ARHGAP35: variants seen among roughly 807,000 people sequenced by gnomAD.
ARHGAP35 encodes Rho GTPase activating protein 35.
ARHGAP35 carries 15 observed loss-of-function variants against 111.1 expected under a neutral mutation model. The ratio of observed to expected loss-of-function variants is 0.13; its 90% confidence interval spans 0.09 to 0.21. The LOEUF (loss-of-function observed/expected upper bound fraction) is 0.21, where lower values mean the gene tolerates loss of function less well. Among genes scored for constraint, ARHGAP35 ranks in the 10% least tolerant of loss-of-function variants. The pLI, the probability that ARHGAP35 is intolerant of heterozygous loss-of-function variation, is 1.00. For missense variants in ARHGAP35, 1,262 were observed against 1,873.0 expected, an observed-to-expected ratio of 0.67 and a Z score of 6.02; for synonymous variants, 643 against 710.3, an observed-to-expected ratio of 0.91 and a Z score of 1.51.
chr19:46,948,580 A>G (rs2056394025), intron 3 of ARHGAP35: 2 of 152,210 alleles, frequency 1.3e-5, no homozygotes, highest in Admixed American at 1.3e-4. Context: ...AATACTTCTC[A>G]TTCATTAAAG....
intron 3 of ARHGAP35, among the ~76,000 whole-genome samples, chr19:46,955,111 A>T (rs2056432101): frequency 6.6e-6 from 1 of 152,180 alleles, no homozygotes; most frequent in Admixed American, 6.5e-5. Context: ...TTGTCGTTTC[A>T]ATATCACTAA....
chr19:46,962,966 CT>C (rs2056493411), intron 3 of ARHGAP35, among the ~76,000 whole-genome samples: 2 of 152,166 alleles, frequency 1.3e-5, no homozygotes, highest in South Asian at 4.1e-4. Flanking sequence ...TCCCGTTTTG[CT>C]GCTGCTTCCT....
At chr19:46,878,065 A>G (rs542195877) in intron 1 of ARHGAP35, among the ~76,000 whole-genome samples, 1 of 151,962 alleles carries the variant, frequency 6.6e-6, no homozygotes, top group African/African-American at 2.4e-5. Context: ...TTTGTTGCCC[A>G]GGCTAGAGAG....
intron 3 of ARHGAP35, among the ~76,000 whole-genome samples, chr19:46,970,538 A>C (rs1292371961): frequency 6.6e-6 from 1 of 152,126 alleles, no homozygotes; most frequent in Non-Finnish European, 1.5e-5. Context: ...CCAGGTGTAC[A>C]CTTGCCCTGT....
chr19:46,980,440 T>G (rs2056615093), intron 3 of ARHGAP35, among the ~76,000 whole-genome samples: 2 of 152,148 alleles, frequency 1.3e-5, no homozygotes, highest in Admixed American at 1.3e-4. Context: ...AATGATGTCA[T>G]TACCCCATTT....
At position 47,004,967 on chromosome 19, in the gene ARHGAP35, CAT is replaced by C. The variant is rs1206136978; in HGVS notation, c.*4280_*4281del. Reference sequence around the variant, plus strand: ...TTTGTTTGGTTTTGTTTTTTAAAATCATGTATTTGCTACAAAGTATTGTACTT... The same window carrying C: ...TTTGTTTGGTTTTGTTTTTTAAAATCGTATTTGCTACAAAGTATTGTACTT... On this transcript the variant is annotated 3_prime_UTR_variant, in exon 7 of 7. Coordinates refer to ENST00000672722, the MANE Select transcript of ARHGAP35 (RefSeq NM_004491.5). The C allele has an allele frequency of 6.6e-6, 1 of 152,114 alleles. No individual in the cohort carries two copies. The highest frequency in any genetic ancestry group is 2.4e-5 in the African/African-American group (1 of 41,398). The allele number at this position is 152,114 out of a possible 1,614,324, so 9.4% of individuals were successfully genotyped here.
At chr19:46,910,539 ACTTTGGCCTCC>A (rs1568465037) in intron 1 of ARHGAP35, among the ~76,000 whole-genome samples, 2 of 150,232 alleles carry the variant, frequency 1.3e-5, no homozygotes, top group African/African-American at 4.9e-5. Flanking sequence ...TGATCTGCCC[ACTTTGGCCTCC>A]CAAAGTGCTG....
intron 1 of ARHGAP35, among the ~76,000 whole-genome samples, chr19:46,888,103 C>T (rs1339207743): frequency 1.3e-5 from 2 of 150,344 alleles, no homozygotes; most frequent in East Asian, 2.0e-4. Context: ...AGGCGCCCGC[C>T]ACCACGCCTG....
intron 1 of ARHGAP35, among the ~76,000 whole-genome samples, chr19:46,916,550 G>A (rs1185065533): frequency 6.6e-6 from 1 of 152,134 alleles, no homozygotes; most frequent in Non-Finnish European, 1.5e-5. Flanking sequence ...CAAGCACTGT[G>A]TCATAGGCTG....
chr19:46,970,959 C>T (rs571964237), intron 3 of ARHGAP35, among the ~76,000 whole-genome samples: 3 of 152,144 alleles, frequency 2.0e-5, no homozygotes, highest in East Asian at 1.9e-4. Context: ...GTGCCCATCC[C>T]CTGCCATTGG....
intron 1 of ARHGAP35, among the ~76,000 whole-genome samples, chr19:46,897,575 CT>C (rs368446929): frequency 2.4e-4 from 36 of 151,264 alleles, no homozygotes; most frequent in African/African-American, 8.5e-4. Context: ...AAAACTGAGA[CT>C]TTCAAGAGCC....
At chr19:46,878,417 A>G (rs1220749946) in intron 1 of ARHGAP35, among the ~76,000 whole-genome samples, 1 of 151,984 alleles carries the variant, frequency 6.6e-6, no homozygotes, top group Admixed American at 6.6e-5. Context: ...CTCGGGTTCA[A>G]GCAATTCTTG....
intron 3 of ARHGAP35, among the ~76,000 whole-genome samples, chr19:46,959,778 C>T (rs1392301972): frequency 6.6e-6 from 1 of 150,428 alleles, no homozygotes; most frequent in African/African-American, 2.5e-5. Flanking sequence ...TTAGAAACTG[C>T]TCCTTTTGTG....
rs202036051 is a variant in ARHGAP35, at chr19:46,921,675, A to G, written c.3000A>G (p.Thr1000=). The G allele has an allele frequency of 6.2e-7, 1 of 1,614,020 alleles. No individual in the cohort carries two copies. Among genetic ancestry groups the G allele is most frequent in the African/African-American group, 1.3e-5 (1 of 75,052 alleles). ...CTTACAGCCTGTTTCGAGAAGACAC[A>G]TCACTGCCTTCTCTGTCCAAAGACC... The part of the protein sequence containing the change: ...EPSYSLFRED[T]SLPSLSKDHS... Residue 1000 remains threonine, a synonymous_variant, in exon 2 of 7, where the codon ACA becomes ACG. Coordinates refer to ENST00000672722, the MANE Select transcript of ARHGAP35 (RefSeq NM_004491.5). This position sits in a 1 kb window ranked among gnomAD's most constrained non-coding sequence, Gnocchi z 4.3.
At chr19:46,913,233 G>A (rs1036662453) in intron 1 of ARHGAP35, among the ~76,000 whole-genome samples, 5 of 149,190 alleles carry the variant, frequency 3.4e-5, no homozygotes, top group African/African-American at 5.0e-5. Context: ...TTCCTACTTC[G>A]GGGAGAGAGG....
chr19:46,883,783 G>A (rs556365331), intron 1 of ARHGAP35, among the ~76,000 whole-genome samples: 3 of 152,062 alleles, frequency 2.0e-5, no homozygotes, highest in South Asian at 4.2e-4. Flanking sequence ...GGTCAGGTGC[G>A]GTGGCTCACT....
chr19:46,870,287 T>A (rs1306459898), intron 1 of ARHGAP35, among the ~76,000 whole-genome samples: 1 of 151,488 alleles, frequency 6.6e-6, no homozygotes, highest in Non-Finnish European at 1.5e-5. Context: ...ATAAGAAATT[T>A]CTTCTTCTGG....
intron 1 of ARHGAP35, among the ~76,000 whole-genome samples, chr19:46,914,028 A>AT (rs1451715082): frequency 6.7e-6 from 1 of 149,146 alleles, no homozygotes; most frequent in Non-Finnish European, 1.5e-5. Context: ...AGTTGAATGT[A>AT]TTTGTGACCA....
At chr19:46,872,428 T>G (rs533114984) in intron 1 of ARHGAP35, among the ~76,000 whole-genome samples, 12 of 151,872 alleles carry the variant, frequency 7.9e-5, no homozygotes, top group African/African-American at 2.6e-4. Flanking sequence ...TAAACAAGTT[T>G]TTTTTTTTTT....
Sources: gnomAD v4.1 joint callset for allele counts (sites outside exome capture counted in the v4.1 genomes callset) on GRCh38, gnomAD v4.1.1 for gene constraint, Gnocchi (gnomAD v3.1) non-coding constraint, MANE v1.5 for transcripts, NCBI Gene and HGNC (gene_info 2026-07-23, HGNC 2026-07-21) for gene names.